Variants in KDM4B observed in about 807,000 individuals in gnomAD.
The protein encoded by KDM4B is lysine demethylase 4B, also known as lysine-specific demethylase 4B.
Under a neutral mutation model 125.2 loss-of-function variants are expected in KDM4B, and 32 were observed. The ratio of observed to expected loss-of-function variants is 0.26; its 90% CI spans 0.19 to 0.34. The LOEUF (loss-of-function observed/expected upper bound fraction) is 0.34, where lower values mean the gene tolerates loss of function less well. Ranked by LOEUF, KDM4B falls within the 10% of genes least tolerant of loss-of-function variation. The pLI is 1.00. For missense variants in KDM4B, 1,190 were observed against 1,577.7 expected, an observed-to-expected ratio of 0.75 and a Z score of 4.16; for synonymous variants, 721 against 677.9, an observed-to-expected ratio of 1.06 and a Z score of -0.99.
At chr19:5,003,052 G>A (rs113506557) in intron 1 of KDM4B, among the ~76,000 whole-genome samples, 8 of 152,182 alleles carry the variant, frequency 5.3e-5, no homozygotes, top group Non-Finnish European at 1.0e-4. Flanking sequence ...AGTTCACCTC[G>A]TTTTTTTCTG....
chr19:5,151,213 G>A (rs1254937274), intron 22 of KDM4B, 122 bp from the exon 23 acceptor site: 13 of 851,976 alleles, frequency 1.5e-5, no homozygotes, highest in Non-Finnish European at 1.9e-5. Context: ...AGCCTGCTGA[G>A]CAGCCCCCAC....
At chr19:5,087,840 G>C (rs956650851) in intron 9 of KDM4B, among the ~76,000 whole-genome samples, 1 of 152,196 alleles carries the variant, frequency 6.6e-6, no homozygotes, top group Non-Finnish European at 1.5e-5. Context: ...CTCCCACCTT[G>C]AGGATGGACC....
intron 3 of KDM4B, 66 bp downstream of exon 3, chr19:5,033,097 G>A: frequency 1.3e-6 from 2 of 1,570,938 alleles, no homozygotes. Context: ...CGGACATCCT[G>A]GGTCCCAGCT....
chr19:5,085,839 G>A (rs1258165182), intron 9 of KDM4B, among the ~76,000 whole-genome samples: 2 of 152,226 alleles, frequency 1.3e-5, no homozygotes, highest in Non-Finnish European at 1.5e-5. Flanking sequence ...CCTGACTCTG[G>A]CAGGGTTTTC....
chr19:5,118,028 C>T (rs980027468), intron 10 of KDM4B, among the ~76,000 whole-genome samples: 6 of 152,168 alleles, frequency 3.9e-5, no homozygotes, highest in South Asian at 2.1e-4. Flanking sequence ...CTGGGAGCAG[C>T]GGTGGGCAGG....
At chr19:5,126,575 C>A (rs958320132) in intron 11 of KDM4B, among the ~76,000 whole-genome samples, 1 of 152,244 alleles carries the variant, frequency 6.6e-6, no homozygotes, top group African/African-American at 2.4e-5. Context: ...CCCCTCCCCT[C>A]GCCCCGGAGT....
intron 10 of KDM4B, among the ~76,000 whole-genome samples, chr19:5,119,440 C>G (rs1399258834): frequency 6.6e-6 from 1 of 152,218 alleles, no homozygotes; most frequent in Admixed American, 6.5e-5. Context: ...CCCCGTCTCC[C>G]TTTGGTCTCT....
At chr19:4,994,117 G>C (rs2035122592) in intron 1 of KDM4B, among the ~76,000 whole-genome samples, 1 of 120,024 alleles carries the variant, frequency 8.3e-6, no homozygotes, top group South Asian at 2.9e-4. Context: ...GCTAATTTTT[G>C]TGTTTTTTCT....
At chr19:5,137,389 GC>G in intron 16 of KDM4B, 51 bp downstream of exon 16, 1 of 1,502,022 alleles carries the variant, frequency 6.7e-7, no homozygotes, top group Non-Finnish European at 9.0e-7. Context: ...CTGGGCCCCG[GC>G]CCCACTCCAG....
rs745729317 is a variant in KDM4B, at chr19:5,071,056, A to G, written c.673A>G (p.Ile225Val). 1 of 1,612,958 alleles carries G rather than the reference A, an allele frequency of 6.2e-7. No individual in the cohort carries two copies. The highest frequency in any genetic ancestry group is 1.7e-5 in the Admixed American group (1 of 60,008). ...CGGCAAGCGCCTGGAGCGGCTGGCC[A>G]TCGGTAGGTGCCTGCCCTGAGGGCC... ...EHGKRLERLA[I>V]GFFPGSSQGC... The change falls in exon 7 of 23, where the codon ATC becomes GTC. Residue 225 changes from isoleucine (I) to valine (V), a missense_variant. By Grantham distance (29) the Ile-to-Val change is conservative (BLOSUM62 3). Around this residue, in one of 7 missense-constraint regions of KDM4B, gnomAD observed 75 missense variants for 218.2 expected, o/e 0.34. Coordinates refer to ENST00000159111, the MANE Select transcript of KDM4B (RefSeq NM_015015.3).
rs1043971922 is a variant in KDM4B, at chr19:5,143,372, A to G, written c.2551-595A>G. ...TAACCATTCTAAAGTGTGCCACTCTATGTTTTTTAGTACATTCTGAGTTGT... is the reference window on the plus strand; with the variant it reads ...TAACCATTCTAAAGTGTGCCACTCTGTGTTTTTTAGTACATTCTGAGTTGT... On this transcript the variant is annotated intron_variant, in intron 18 of 22. Transcript: ENST00000159111. 8.6e-5 allele frequency among the ~76,000 whole-genome samples: 13 copies of G among 151,910 alleles called. 1 individual carries two copies. The highest frequency in any genetic ancestry group is 2.7e-4 in the African/African-American group (11 of 41,344).
chr19:5,125,279 G>A (rs556447789), intron 11 of KDM4B, among the ~76,000 whole-genome samples: 59 of 152,246 alleles, frequency 3.9e-4, no homozygotes, highest in Admixed American at 5.9e-4. Context: ...GGCGTTACCT[G>A]CTCTCACTTG....
chr19:4,978,296 C>T (rs1319353671), intron 1 of KDM4B, among the ~76,000 whole-genome samples: 1 of 151,834 alleles, frequency 6.6e-6, no homozygotes, highest in Non-Finnish European at 1.5e-5. Flanking sequence ...CACCTGGGGT[C>T]AGGAGTTCAA....
At chr19:5,147,790 G>C (rs887058639) in intron 21 of KDM4B, among the ~76,000 whole-genome samples, 12 of 152,216 alleles carry the variant, frequency 7.9e-5, no homozygotes, top group East Asian at 3.9e-4. Context: ...CTCGGGGCGG[G>C]GGGGCAGAGG....
At chr19:5,061,727 G>A (rs963151739) in intron 6 of KDM4B, among the ~76,000 whole-genome samples, 2 of 152,020 alleles carry the variant, frequency 1.3e-5, no homozygotes, top group African/African-American at 4.8e-5. Context: ...AATCAGCTGG[G>A]TGTAGGGCGC....
chr19:5,065,792 C>T (rs1214137803), intron 6 of KDM4B, among the ~76,000 whole-genome samples: 2 of 152,236 alleles, frequency 1.3e-5, no homozygotes, highest in Non-Finnish European at 2.9e-5. Flanking sequence ...CGGCCGGGGG[C>T]TTCTGGGGCC....
At chr19:5,086,055 C>T (rs1459951195) in intron 9 of KDM4B, among the ~76,000 whole-genome samples, 1 of 152,130 alleles carries the variant, frequency 6.6e-6, no homozygotes, top group Non-Finnish European at 1.5e-5. Flanking sequence ...TCCCCTGTCC[C>T]ATTTGCGTTT....
At chr19:5,134,732 C>T (rs2039618255) in intron 14 of KDM4B, among the ~76,000 whole-genome samples, 1 of 152,208 alleles carries the variant, frequency 6.6e-6, no homozygotes, top group Non-Finnish European at 1.5e-5. Flanking sequence ...GGGTTGGGGA[C>T]GTCACCCCCC....
At chr19:5,099,735 T>A (rs1485041550) in intron 9 of KDM4B, among the ~76,000 whole-genome samples, 1 of 152,132 alleles carries the variant, frequency 6.6e-6, no homozygotes, top group African/African-American at 2.4e-5. Context: ...TCAGAGCCCT[T>A]ATAAAAGAGC....
Sources: allele counts gnomAD v4.1 joint callset (sites outside exome capture counted in the v4.1 genomes callset), GRCh38; gene constraint gnomAD v4.1.1; regional missense constraint gnomAD v4.1.1; transcripts MANE v1.5; gene names NCBI Gene and HGNC (gene_info 2026-07-23, HGNC 2026-07-21).